Variants in MED17 observed in about 807,000 individuals in gnomAD.
The protein encoded by MED17 is mediator complex subunit 17.
MED17 carries 49 observed loss-of-function variants against 80.8 expected under a neutral mutation model. That is an observed-to-expected ratio of 0.61 (90% CI 0.48 to 0.77). The LOEUF is 0.77. Ranked by LOEUF, MED17 falls within the 30% of genes least tolerant of loss-of-function variation. MED17 has a pLI of 0.00. For synonymous variants in MED17, 281 were observed against 280.4 expected (o/e 1.00, Z -0.02); for missense variants, 718 against 787.0 (o/e 0.91, Z 1.05).
chr11:93,789,105 C>G (rs1943804426), intron 2 of MED17: 1 of 152,100 alleles, frequency 6.6e-6, no homozygotes. Flanking sequence ...TTAAGGAAAA[C>G]AAGTGTCAAG....
In MED17 at chr11:93,784,580, G is replaced by T; in HGVS notation, c.67G>T (p.Gly23Cys). 1 of 1,611,224 alleles carries T rather than the reference G, an allele frequency of 6.2e-7. No homozygotes were observed. ...CTGCGAGAAGCAGGTCCATGAGGTG[G>T]GCCTGGATGGCACCGAGACGTACCT... ...SACEKQVHEV[G>C]LDGTETYLPP... Residue 23 changes from glycine to cysteine, a missense_variant, in exon 1 of 12, where the codon GGC becomes TGC. Transcript: ENST00000251871.
chr11:93,789,264 A>C (rs967670303), intron 2 of MED17: 1 of 152,222 alleles, frequency 6.6e-6, no homozygotes, highest in Non-Finnish European at 1.5e-5. Flanking sequence ...CTAAATCTGC[A>C]TTCTTCATTT....
intron 8 of MED17, among the ~76,000 whole-genome samples, chr11:93,799,214 C>T (rs12278681): frequency 6.8e-6 from 1 of 146,376 alleles, no homozygotes; most frequent in Non-Finnish European, 1.5e-5. Flanking sequence ...CGAAGTCTCA[C>T]TGTGTCACCC....
rs910580333 is a variant in MED17 at position 93,800,176 on chromosome 11, A to G, written c.1329-1659A>G. 2.0e-5 allele frequency among the ~76,000 whole-genome samples: 3 copies of G among 152,190 alleles called. No homozygotes were observed. In the East Asian group the frequency reaches 5.8e-4, roughly 29 times the overall value. The stretch of plus-strand genomic sequence containing the variant: ...CTGTCAGGGAAACACATCAAGGAAA[A>G]AGGAAAATAAATTTCAGAATGTATT... On this transcript the variant is annotated intron_variant, in intron 8 of 11. Coordinates refer to ENST00000251871, the MANE Select transcript of MED17 (RefSeq NM_004268.5).
chr11:93,795,155 A>G (rs1943886827), intron 6 of MED17, 95 bp downstream of exon 6: 3 of 1,343,526 alleles, frequency 2.2e-6, no homozygotes, highest in Non-Finnish European at 2.1e-6. Flanking sequence ...TGGGAGAATA[A>G]TGAGAGCAAA....
intron 5 of MED17, chr11:93,794,258 G>C: frequency 2.5e-6 from 1 of 406,988 alleles, no homozygotes; most frequent in Non-Finnish European, 4.5e-6. Flanking sequence ...AGGCTAGAGT[G>C]CAATGGCGCA....
At chr11:93,807,799 C>T in intron 10 of MED17, 164 bp downstream of exon 10, 2 of 662,742 alleles carry the variant, frequency 3.0e-6, no homozygotes, top group Non-Finnish European at 5.5e-6. Context: ...ATTTTACAAC[C>T]TGTTGGTTAA....
chr11:93,799,838 A>C (rs1048400047), intron 8 of MED17, among the ~76,000 whole-genome samples: 1 of 151,596 alleles, frequency 6.6e-6, no homozygotes, highest in African/African-American at 2.4e-5. Context: ...TTGACATGCT[A>C]ATATATTTTT....
intron 8 of MED17, among the ~76,000 whole-genome samples, chr11:93,800,333 T>A (rs1012117641): frequency 4.6e-5 from 7 of 151,988 alleles, no homozygotes; most frequent in South Asian, 2.1e-4. Context: ...ATTATTTTTT[T>A]AATTTTGAGG....
chr11:93,799,537 CA>C (rs1943939946), intron 8 of MED17, among the ~76,000 whole-genome samples: 2 of 152,092 alleles, frequency 1.3e-5, no homozygotes, highest in Admixed American at 6.5e-5. Flanking sequence ...GTAAACTCAG[CA>C]CTCAGGGAGG....
rs1265221796 is a variant in MED17, at chr11:93,814,387, G to T, written c.*2323G>T. 1 of 152,150 alleles carries T rather than the reference G, an allele frequency of 6.6e-6. No individual in the cohort carries two copies. Among genetic ancestry groups the T allele is most frequent in the Non-Finnish European group, 1.5e-5 (1 of 68,038 alleles). The allele number at this position is 152,150 out of a possible 1,614,324, so 9.4% of individuals were successfully genotyped here. On this transcript the variant is annotated 3_prime_UTR_variant, in exon 12 of 12. Coordinates refer to ENST00000251871, the MANE Select transcript of MED17 (RefSeq NM_004268.5). ...TAACCTGAATTTCCTGGAGTTTGAA[G>T]GATGTGCTATGGAAACTTGGGAGAC...
intron 8 of MED17, among the ~76,000 whole-genome samples, chr11:93,799,177 A>C (rs1943935573): frequency 9.4e-6 from 1 of 106,184 alleles, no homozygotes; most frequent in South Asian, 3.8e-4. Flanking sequence ...CTCTACAAGA[A>C]ATTTTTTTTT....
chr11:93,798,263 T>A (rs1347903723), intron 8 of MED17, among the ~76,000 whole-genome samples: 1 of 152,168 alleles, frequency 6.6e-6, no homozygotes, highest in Non-Finnish European at 1.5e-5. Context: ...ACGCCAAAGC[T>A]CTTTTTTTTC....
At chr11:93,805,191 G>C (rs570391379) in intron 9 of MED17, among the ~76,000 whole-genome samples, 1 of 152,006 alleles carries the variant, frequency 6.6e-6, no homozygotes, top group African/African-American at 2.4e-5. Context: ...ACTGTTAATC[G>C]GTCTTCTGTT....
intron 1 of MED17, among the ~76,000 whole-genome samples, chr11:93,786,112 T>C (rs1478432369): frequency 6.6e-6 from 1 of 152,016 alleles, no homozygotes; most frequent in African/African-American, 2.4e-5. Flanking sequence ...AAAAGATAAA[T>C]GACAGACTGG....
intron 1 of MED17, among the ~76,000 whole-genome samples, chr11:93,786,567 A>G (rs1943773280): frequency 6.6e-6 from 1 of 152,000 alleles, no homozygotes; most frequent in Non-Finnish European, 1.5e-5. Context: ...CCTGGATTCA[A>G]AACGATTCTC....
intron 9 of MED17, chr11:93,807,246 T>C: frequency 2.7e-6 from 1 of 363,996 alleles, no homozygotes; most frequent in Non-Finnish European, 5.1e-6. Flanking sequence ...ATTCCGTCTC[T>C]ACTAAAAATA....
intron 10 of MED17, chr11:93,808,181 T>A: frequency 5.9e-6 from 1 of 169,626 alleles, no homozygotes; most frequent in South Asian, 1.5e-4. Context: ...CTGGGCAACA[T>A]AGCAAGACCC....
rs1943742929 is a variant in MED17 at position 93,784,291 on chromosome 11, C to G, written c.-223C>G. On this transcript the variant is annotated 5_prime_UTR_variant, in exon 1 of 12. Transcript: ENST00000251871. ...GCTTCCGCGCCTGCCCAGTTTTGCTCCGAAAGACTTACCGAGGAGGGAGCT... is the reference window on the plus strand; with the variant it reads ...GCTTCCGCGCCTGCCCAGTTTTGCTGCGAAAGACTTACCGAGGAGGGAGCT... The G allele has an allele frequency of 8.1e-6, 5 of 616,670 alleles. No individual in the cohort carries two copies. In the Admixed American group the frequency reaches 9.8e-5, roughly 12 times the overall value. The allele number at this position is 616,670 out of a possible 1,614,324, so 38.2% of individuals were successfully genotyped here.
Sources: gnomAD v4.1 joint callset for allele counts (sites outside exome capture counted in the v4.1 genomes callset) on GRCh38, gnomAD v4.1.1 for gene constraint, MANE v1.5 for transcripts, NCBI Gene and HGNC (gene_info 2026-07-23, HGNC 2026-07-21) for gene names.